The following WDR70 variants were observed in gnomAD, a reference collection of about 807,000 sequenced individuals.
The protein encoded by WDR70 is WD repeat domain 70, also known as WD repeat-containing protein 70.
Under a neutral mutation model 88.6 loss-of-function variants are expected in WDR70, and 53 were observed. The observed-to-expected ratio is 0.60, with a 90% CI of 0.48 to 0.75. The LOEUF (loss-of-function observed/expected upper bound fraction) is 0.75, where lower values mean the gene tolerates loss of function less well. Among genes scored for constraint, WDR70 ranks in the 30% least tolerant of loss-of-function variants. WDR70 has a pLI of 0.00. For synonymous variants in WDR70, 280 were observed against 270.0 expected, an observed-to-expected ratio of 1.04 and a Z score of -0.36; for missense variants, 610 against 823.2, an observed-to-expected ratio of 0.74 and a Z score of 3.17.
At chr5:37,588,033 G>A (rs1324654106) in intron 9 of WDR70, among the ~76,000 whole-genome samples, 2 of 152,082 alleles carry the variant, frequency 1.3e-5, no homozygotes, top group Non-Finnish European at 2.9e-5. Flanking sequence ...GCCAGGAACA[G>A]TGTTTATGAC....
chr5:37,444,356 T>TTTTTTTG (rs1738394488), intron 7 of WDR70, among the ~76,000 whole-genome samples: 2 of 146,528 alleles, frequency 1.4e-5, no homozygotes, highest in African/African-American at 5.0e-5. Flanking sequence ...TTTTTTTTTT[T>TTTTTTTG]GAGACAGGGT....
chr5:37,433,372 AC>A (rs1043625242), intron 5 of WDR70, among the ~76,000 whole-genome samples: 2 of 152,114 alleles, frequency 1.3e-5, no homozygotes, highest in Non-Finnish European at 1.5e-5. Flanking sequence ...AAAATCTCAG[AC>A]TTTATCAAAT....
rs115178661 is a variant in WDR70, at chr5:37,673,463, T to C, written c.1093-24192T>C. Among the ~76,000 whole-genome samples the C allele has an allele frequency of 2.2e-3, 339 of 152,222 alleles. 1 individual carries two copies. Among genetic ancestry groups the C allele is most frequent in the African/African-American group, 7.7e-3 (320 of 41,544 alleles). On this transcript the variant is annotated intron_variant, in intron 10 of 17. Coordinates refer to ENST00000265107, the MANE Select transcript of WDR70 (RefSeq NM_018034.4). ...AAATGGTGGTTCTGTTTTTAGCCCT[T>C]TGAAGAATCAGCCACTGCTTTCCAC...
At chr5:37,576,657 A>G (rs1743063601) in intron 9 of WDR70, among the ~76,000 whole-genome samples, 1 of 152,238 alleles carries the variant, frequency 6.6e-6, no homozygotes, top group East Asian at 1.9e-4. Context: ...CCTCCAGTGT[A>G]TCTAAAATGA....
In WDR70 at chr5:37,677,431, T is replaced by C. The variant is rs550979732; in HGVS notation, c.1093-20224T>C. Among the ~76,000 whole-genome samples, 7 of 152,360 alleles carry C rather than the reference T, an allele frequency of 4.6e-5. No homozygotes were observed. In the East Asian group the frequency reaches 1.3e-3, roughly 29 times the overall value. On this transcript the variant is annotated intron_variant, in intron 10 of 17. Transcript: ENST00000265107. ...ATGTGTCCCAGAGATTCCGGTATGT[T>C]GTCTCTTTGTTCTCATTGGTTTCAA...
chr5:37,396,347 C>A (rs770022199), intron 4 of WDR70, 28 bp from the exon 5 acceptor site: 1 of 1,575,448 alleles, frequency 6.3e-7, no homozygotes, highest in South Asian at 1.2e-5. Context: ...GCAGCAGAGG[C>A]AAAGAGTTTC....
At chr5:37,667,124 T>A (rs1295936907) in intron 10 of WDR70, among the ~76,000 whole-genome samples, 5 of 152,198 alleles carry the variant, frequency 3.3e-5, no homozygotes, top group African/African-American at 9.7e-5. Flanking sequence ...GAATTTATAC[T>A]AGACTTTTTT....
chr5:37,405,083 C>A (rs372054434), intron 5 of WDR70, among the ~76,000 whole-genome samples: 1 of 151,822 alleles, frequency 6.6e-6, no homozygotes, highest in South Asian at 2.1e-4. Flanking sequence ...AAAATACCAG[C>A]GTATGTAAAA....
intron 10 of WDR70, among the ~76,000 whole-genome samples, chr5:37,693,526 G>A (rs201133385): frequency 6.6e-6 from 1 of 152,052 alleles, no homozygotes; most frequent in Non-Finnish European, 1.5e-5. Flanking sequence ...TAGACCAATG[G>A]AACAGAACAG....
rs57109943 is a variant in WDR70, at chr5:37,485,858, A to ATTTTTT, written c.840+5894_840+5899dup. On this transcript the variant is annotated intron_variant, in intron 8 of 17. Transcript: ENST00000265107. ...AGGCATGCGCCACCATGCCTGGCTA[A>ATTTTTT]TTTTTTTTTTTTTTTTTTTTTTTTT... Among the ~76,000 whole-genome samples, 243 of 108,216 alleles carry ATTTTTT rather than the reference A, an allele frequency of 2.2e-3. 1 individual carries two copies. The highest frequency in any genetic ancestry group is 5.3e-3 in the Middle Eastern group (1 of 188). 71.0% of individuals were successfully genotyped at this position (108,216 alleles called of 152,430 possible).
chr5:37,443,141 A>G (rs370394243), intron 6 of WDR70, 98 bp from the exon 7 acceptor site: 1 of 1,355,730 alleles, frequency 7.4e-7, no homozygotes, highest in South Asian at 1.5e-5. Context: ...TCCAAGTCCT[A>G]TAACATAGGG....
chr5:37,725,657 A>G (rs1383862312), intron 16 of WDR70, among the ~76,000 whole-genome samples: 1 of 152,080 alleles, frequency 6.6e-6, no homozygotes, highest in East Asian at 1.9e-4. Context: ...CATTTTGCAT[A>G]TCTATCTTAA....
intron 13 of WDR70, among the ~76,000 whole-genome samples, chr5:37,716,807 G>A (rs958850608): frequency 2.6e-5 from 4 of 151,962 alleles, no homozygotes; most frequent in African/African-American, 7.3e-5. Context: ...TCCTCTAAAA[G>A]TAAACAAAAT....
chr5:37,437,117 C>T (rs1750491309), intron 5 of WDR70, among the ~76,000 whole-genome samples: 1 of 152,128 alleles, frequency 6.6e-6, no homozygotes, highest in South Asian at 2.1e-4. Flanking sequence ...TGATATCTCC[C>T]TGTTAGACCA....
intron 10 of WDR70, among the ~76,000 whole-genome samples, chr5:37,694,389 A>G (rs1459044549): frequency 2.6e-5 from 4 of 152,228 alleles, no homozygotes; most frequent in Non-Finnish European, 4.4e-5. Context: ...CTATAGAGAC[A>G]CGTGCTCACG....
At chr5:37,733,374 G>A (rs11745953) in intron 17 of WDR70, among the ~76,000 whole-genome samples, 35,651 of 151,998 alleles carry the variant, frequency 0.23, 4,853 homozygotes, top group East Asian at 0.4. Context: ...TCCAAGGATC[G>A]AAAGTGGATA....
At chr5:37,562,795 A>G (rs1448548985) in intron 9 of WDR70, among the ~76,000 whole-genome samples, 1 of 152,116 alleles carries the variant, frequency 6.6e-6, no homozygotes, top group Admixed American at 6.5e-5. Context: ...ATCCCAAGGC[A>G]GAAGAATTTT....
At chr5:37,681,272 T>C (rs972154469) in intron 10 of WDR70, among the ~76,000 whole-genome samples, 13 of 152,174 alleles carry the variant, frequency 8.5e-5, no homozygotes, top group African/African-American at 3.1e-4. Flanking sequence ...TTTTGTATGT[T>C]GGTTTTGTAT....
chr5:37,595,140 C>T (rs528665469), intron 9 of WDR70, among the ~76,000 whole-genome samples: 2 of 152,152 alleles, frequency 1.3e-5, no homozygotes, highest in African/African-American at 4.8e-5. Flanking sequence ...ATTTCTTTCT[C>T]TTGCCTGATT....
Sources: allele counts gnomAD v4.1 joint callset (sites outside exome capture counted in the v4.1 genomes callset), GRCh38; gene constraint gnomAD v4.1.1; transcripts MANE v1.5; gene names NCBI Gene and HGNC (gene_info 2026-07-23, HGNC 2026-07-21).